FAM184B: variants seen among roughly 807,000 people sequenced by gnomAD.
The protein encoded by FAM184B is family with sequence similarity 184 member B.
Under a neutral mutation model 135.9 loss-of-function variants are expected in FAM184B, and 111 were observed. The ratio of observed to expected loss-of-function variants is 0.82; its 90% CI spans 0.70 to 0.96. The LOEUF is 0.96. FAM184B is among the 40% of genes least tolerant of loss of function. FAM184B has a pLI of 0.00. For synonymous variants in FAM184B, 552 were observed against 524.8 expected (o/e 1.05, Z -0.71); for missense variants, 1,375 against 1,323.9 (o/e 1.04, Z -0.60).
At chr4:17,653,089 C>A in intron 10 of FAM184B, 106 bp from the exon 11 acceptor site, 1 of 1,101,484 alleles carries the variant, frequency 9.1e-7, no homozygotes, top group Non-Finnish European at 1.3e-6. Flanking sequence ...AACACTCGCA[C>A]TCTCCCATGG....
In FAM184B at chr4:17,652,891, C is replaced by G. The variant is rs374638103; in HGVS notation, c.2130G>C (p.Lys710Asn). 1.3e-6 allele frequency: 2 copies of G among 1,551,658 alleles called. No individual in the cohort carries two copies. Among genetic ancestry groups the G allele is most frequent in the Non-Finnish European group, 1.7e-6 (2 of 1,147,014 alleles). The change falls in exon 11 of 18, where the codon AAG (lysine) becomes AAC (asparagine). Residue 710 changes from lysine (K) to asparagine (N), a missense_variant. Lys to Asn is a moderately conservative substitution (Grantham distance 94). Transcript: ENST00000265018. ...HRLELQALEE[K>N]ARQELQEERE... ...GCTCCTCCTGCAGCTCTTGCCTGGC[C>G]TTTTCCTCCAAGGCCTGGAGCTCCA...
intron 5 of FAM184B, among the ~76,000 whole-genome samples, chr4:17,697,347 G>A (rs187498601): frequency 1.3e-5 from 2 of 152,226 alleles, no homozygotes; most frequent in African/African-American, 2.4e-5. Flanking sequence ...GCCCAGCCTA[G>A]GCCAGTGACT....
At chr4:17,705,607 G>A in intron 4 of FAM184B, 145 bp downstream of exon 4, 2 of 963,920 alleles carry the variant, frequency 2.1e-6, no homozygotes, top group Non-Finnish European at 3.0e-6. Context: ...GCAGTAAGTT[G>A]GCTGGAATTC....
At chr4:17,633,319 TC>T in intron 17 of FAM184B, 1 of 170,376 alleles carries the variant, frequency 5.9e-6, no homozygotes, top group Non-Finnish European at 1.2e-5. Context: ...TTGTGCCAAG[TC>T]CTGTGCTAAG....
intron 14 of FAM184B, among the ~76,000 whole-genome samples, chr4:17,637,765 G>T (rs898963983): frequency 6.6e-6 from 1 of 152,202 alleles, no homozygotes; most frequent in Non-Finnish European, 1.5e-5. Flanking sequence ...GGCTTCACCT[G>T]TTTGGACCTG....
chr4:17,749,775 G>A (rs182504347), intron 1 of FAM184B, among the ~76,000 whole-genome samples: 2 of 152,212 alleles, frequency 1.3e-5, no homozygotes, highest in East Asian at 1.9e-4. Flanking sequence ...TAACACTCTG[G>A]TGTTTCTTGC....
At chr4:17,723,962 ACT>A (rs1249563450) in intron 1 of FAM184B, among the ~76,000 whole-genome samples, 3 of 152,084 alleles carry the variant, frequency 2.0e-5, no homozygotes, top group Non-Finnish European at 2.9e-5. Context: ...GGGCAGCAAG[ACT>A]CTCTTAAACA....
chr4:17,781,237 G>A lies in FAM184B; in HGVS notation c.63C>T (p.Asp21=), dbSNP rs879360425. ...PPGTCQGSKA[D]GGAGWRMDCD... is the part of the protein sequence containing the mutation. ...AGTCCATTCTCCAGCCGGCGCCACC[G>A]TCGGCTTTGGAGCCCTGGCAAGTGC... The change falls in exon 1 of 18, where the codon GAC becomes GAT. Residue 21 remains aspartate, a synonymous_variant. Transcript: ENST00000265018. The surrounding 1 kb of genome is among the most constrained non-coding windows in gnomAD (Gnocchi z 6.5). 13 of 1,550,700 alleles carry A rather than the reference G, an allele frequency of 8.4e-6. No homozygotes were observed. The East Asian group carries it at 9.8e-5, about 12-fold the overall frequency.
Position 17,709,023 on chromosome 4 carries a change from G to C in FAM184B, c.763C>G (p.Arg255Gly). 1 of 1,550,242 alleles carries C rather than the reference G, an allele frequency of 6.5e-7. No individual in the cohort carries two copies. Among genetic ancestry groups the C allele is most frequent in the Non-Finnish European group, 8.7e-7 (1 of 1,146,922 alleles). The change falls in exon 2 of 18, where the codon CGC becomes GGC. Residue 255 changes from arginine to glycine, a missense_variant. Coordinates refer to ENST00000265018, the MANE Select transcript of FAM184B (RefSeq NM_015688.2). Reference protein sequence around the residue: ...WQWQEKESDLRKNFQVQESAL... With the variant: ...WQWQEKESDLGKNFQVQESAL... ...GACTCCTGGACCTGGAAGTTCTTGC[G>C]GAGGTCCGACTCCTTCTCCTGCCAC... is the stretch of plus-strand genomic sequence containing the variant.
intron 16 of FAM184B, among the ~76,000 whole-genome samples, chr4:17,634,293 C>CA (rs1355521443): frequency 1.3e-5 from 2 of 152,294 alleles, no homozygotes; most frequent in Non-Finnish European, 2.9e-5. Context: ...AGTTAAGTCA[C>CA]AAGTGTATTG....
At chr4:17,713,012 C>T (rs771185944) in intron 1 of FAM184B, among the ~76,000 whole-genome samples, 2 of 152,116 alleles carry the variant, frequency 1.3e-5, no homozygotes, top group Admixed American at 6.5e-5. Context: ...CGTATAACCA[C>T]GACACAGCCT....
At chr4:17,639,811 C>G (rs1473879059) in intron 13 of FAM184B, among the ~76,000 whole-genome samples, 2 of 151,270 alleles carry the variant, frequency 1.3e-5, no homozygotes, top group Non-Finnish European at 2.9e-5. Context: ...AACTACACTG[C>G]AGTGGAAAGC....
intron 7 of FAM184B, among the ~76,000 whole-genome samples, chr4:17,683,556 CTACTA>C (rs1692326357): frequency 6.6e-6 from 1 of 152,126 alleles, no homozygotes; most frequent in Non-Finnish European, 1.5e-5. Context: ...GCTTGCTTAA[CTACTA>C]TACTATATTA....
rs531774571 is a variant in FAM184B at position 17,718,390 on chromosome 4, C to T, written c.142-8746G>A. ...ATGCTTTTACTCAATGTTTTTGCAGCATTTCCTATATGCCTGGCATGATAC... is the reference window on the plus strand; with the variant it reads ...ATGCTTTTACTCAATGTTTTTGCAGTATTTCCTATATGCCTGGCATGATAC... On this transcript the variant is annotated intron_variant, in intron 1 of 17. Transcript: ENST00000265018. 9.9e-5 allele frequency among the ~76,000 whole-genome samples: 15 copies of T among 152,268 alleles called. 1 individual carries two copies. Among genetic ancestry groups the T allele is most frequent in the African/African-American group, 3.6e-4 (15 of 41,550 alleles).
At chr4:17,724,470 TCTGGCTGTGCCATGTCCAC>T (rs1280138073) in intron 1 of FAM184B, among the ~76,000 whole-genome samples, 1 of 152,246 alleles carries the variant, frequency 6.6e-6, no homozygotes. Context: ...GGGATTTGGC[TCTGGCTGTGCCATGTCCAC>T]CTGGCTGGTG....
At chr4:17,711,023 A>G (rs1050516326) in intron 1 of FAM184B, among the ~76,000 whole-genome samples, 6 of 152,138 alleles carry the variant, frequency 3.9e-5, no homozygotes, top group African/African-American at 1.4e-4. Flanking sequence ...ATTCCAGAAC[A>G]TATTTGTAGG....
chr4:17,708,704 T>TATATAG (rs1717174376), intron 2 of FAM184B, among the ~76,000 whole-genome samples, 188 bp downstream of exon 2: 1 of 55,450 alleles, frequency 1.8e-5, no homozygotes, highest in Non-Finnish European at 3.2e-5. Context: ...TATATATATA[T>TATATAG]ATATAGTGTC....
At position 17,770,436 on chromosome 4, in the gene FAM184B, A is replaced by AGTTGTTGTT. The variant is rs10597477; in HGVS notation, c.141+10714_141+10722dup. ...AGTCACCAGGACTTGCCTCAGAACT[A>AGTTGTTGTT]GTTGTTGTTGTTGTTGTTGTTGTTG... is the stretch of plus-strand genomic sequence containing the variant. On this transcript the variant is annotated intron_variant, in intron 1 of 17. Coordinates refer to ENST00000265018, the MANE Select transcript of FAM184B (RefSeq NM_015688.2). 1.8e-4 allele frequency among the ~76,000 whole-genome samples: 17 copies of AGTTGTTGTT among 94,990 alleles called. No homozygotes were observed. In the South Asian group the frequency reaches 2.6e-3, roughly 14 times the overall value. 62.3% of individuals were successfully genotyped at this position (94,990 alleles called of 152,430 possible). A position where few individuals can be genotyped will look rare whatever the true frequency, so the allele number is the denominator to read the frequency against.
chr4:17,765,381 G>A (rs1718642611), intron 1 of FAM184B, among the ~76,000 whole-genome samples: 1 of 152,018 alleles, frequency 6.6e-6, no homozygotes, highest in South Asian at 2.1e-4. Context: ...AATCAAACGA[G>A]GGGCCACTAC....
Sources: gnomAD v4.1 joint callset for allele counts (sites outside exome capture counted in the v4.1 genomes callset) on GRCh38, gnomAD v4.1.1 for gene constraint, Gnocchi (gnomAD v3.1) non-coding constraint, MANE v1.5 for transcripts, NCBI Gene and HGNC (gene_info 2026-07-23, HGNC 2026-07-21) for gene names.